The following DTNA variants were observed in gnomAD, a reference collection of about 807,000 sequenced individuals.
The protein encoded by DTNA is dystrophin-related protein 3.
A neutral mutation model predicts 100.7 loss-of-function variants in DTNA; 43 were observed. The ratio of observed to expected loss-of-function variants is 0.43; its 90% CI spans 0.33 to 0.55. DTNA has a LOEUF of 0.55. Among genes scored for constraint, DTNA ranks in the 20% least tolerant of loss-of-function variants. The pLI is 0.04. For missense variants in DTNA, 798 were observed against 953.9 expected (o/e 0.84, Z 2.15); for synonymous variants, 349 against 347.9 (o/e 1.00, Z -0.04).
At chr18:34,671,233 C>T (rs372765873) in intron 1 of DTNA, among the ~76,000 whole-genome samples, 11 of 152,260 alleles carry the variant, frequency 7.2e-5, no homozygotes, top group South Asian at 4.1e-4. Context: ...CCGAGCCATG[C>T]GCAGGATATA....
intron 1 of DTNA, among the ~76,000 whole-genome samples, chr18:34,744,114 C>T: frequency 6.6e-6 from 1 of 152,150 alleles, no homozygotes; most frequent in African/African-American, 2.4e-5. Flanking sequence ...TATACTAATT[C>T]TGATTTTCCC....
At chr18:34,769,257 A>G (rs1239783037) in intron 3 of DTNA, among the ~76,000 whole-genome samples, 1 of 152,198 alleles carries the variant, frequency 6.6e-6, no homozygotes, top group Non-Finnish European at 1.5e-5. Flanking sequence ...TATTTGTAAA[A>G]TGCTTACATA....
chr18:34,825,747 A>G (rs549728381), intron 9 of DTNA, among the ~76,000 whole-genome samples: 31 of 152,360 alleles, frequency 2.0e-4, no homozygotes, highest in African/African-American at 6.3e-4. Context: ...TTATCAAGCT[A>G]GTTAAAAAGC....
chr18:34,644,146 A>G lies in DTNA; in HGVS notation c.-1-111830A>G, dbSNP rs114457775. ...AGCTTCCCTCACCAGATCGTGGCCC[A>G]CTTATATCCTTTTATTGTCCTATTC... On this transcript the variant is annotated intron_variant, in intron 1 of 19. Transcript: ENST00000283365. Among the ~76,000 whole-genome samples, 537 of 152,244 alleles carry G rather than the reference A, an allele frequency of 3.5e-3. 3 individuals are homozygous for G. Among genetic ancestry groups the G allele is most frequent in the African/African-American group, 0.012 (499 of 41,572 alleles).
chr18:34,780,176 C>T lies in DTNA; in HGVS notation c.149-13861C>T, dbSNP rs139761065. Among the ~76,000 whole-genome samples the T allele has an allele frequency of 3.6e-3, 544 of 152,218 alleles. 2 individuals are homozygous for T. The highest frequency in any genetic ancestry group is 0.01 in the African/African-American group (429 of 41,526). On this transcript the variant is annotated intron_variant, in intron 3 of 22. Transcript: ENST00000444659. The stretch of plus-strand genomic sequence containing the variant: ...AACCATTGATGGTGTTGGGCTAGGA[C>T]GTCTGCTTTATCTCCTTGTCTGTCA...
chr18:34,552,676 T>A lies in DTNA; in HGVS notation c.-2+59162T>A, dbSNP rs1349321806. On this transcript the variant is annotated intron_variant, in intron 1 of 19. Transcript: ENST00000283365. The stretch of plus-strand genomic sequence containing the variant: ...GTTTACTGAGAATGATGATTTCCAA[T>A]TTCATCCATGTCCCTACAAAGGACA... Among the ~76,000 whole-genome samples, 3 of 151,852 alleles carry A rather than the reference T, an allele frequency of 2.0e-5. No individual in the cohort carries two copies. The East Asian group carries it at 5.8e-4, about 30-fold the overall frequency.
At chr18:34,801,660 AC>A (rs1368593283) in intron 4 of DTNA, among the ~76,000 whole-genome samples, 1 of 151,674 alleles carries the variant, frequency 6.6e-6, no homozygotes, top group East Asian at 1.9e-4. Context: ...ACAGGTGCAC[AC>A]CACCATGCCC....
intron 9 of DTNA, chr18:34,821,502 G>A (rs1287382717): frequency 2.2e-6 from 1 of 456,182 alleles, no homozygotes; most frequent in Non-Finnish European, 4.4e-6. Flanking sequence ...AGAAGGTGTT[G>A]GGCCAACAAA....
chr18:34,510,966 T>G (rs939029715), intron 1 of DTNA, among the ~76,000 whole-genome samples: 2 of 151,986 alleles, frequency 1.3e-5, no homozygotes, highest in Admixed American at 6.6e-5. Flanking sequence ...AGAATGGAGA[T>G]TGGTATTGAC....
intron 1 of DTNA, among the ~76,000 whole-genome samples, chr18:34,643,892 T>C (rs1174110523): frequency 6.6e-6 from 1 of 152,156 alleles, no homozygotes; most frequent in Non-Finnish European, 1.5e-5. Context: ...ACCTATAAAA[T>C]TATAAGCTCC....
At chr18:34,806,452 AT>A in intron 5 of DTNA, 148 bp downstream of exon 5, 1 of 729,392 alleles carries the variant, frequency 1.4e-6, no homozygotes, top group Non-Finnish European at 2.4e-6. Flanking sequence ...TGATGTTTGG[AT>A]TTTGTCATAG....
intron 1 of DTNA, among the ~76,000 whole-genome samples, chr18:34,553,150 G>A (rs1175137015): frequency 6.0e-5 from 9 of 150,796 alleles, no homozygotes; most frequent in African/African-American, 2.2e-4. Context: ...ATTTTTTCAT[G>A]TGTTTTTTGG....
At position 34,890,336 on chromosome 18, in the gene DTNA, T is replaced by C; in HGVS notation, c.*2602T>C. ...CACTGAGACCAGACTCGAGCACCCC[T>C]GTCCTGTAAGCGAGACAAAATGGCG... is the stretch of plus-strand genomic sequence containing the variant. On this transcript the variant is annotated 3_prime_UTR_variant, in exon 23 of 23. Coordinates refer to ENST00000444659, the MANE Select transcript of DTNA (RefSeq NM_001386795.1). The C allele has an allele frequency of 6.5e-7, 1 of 1,536,090 alleles. No individual in the cohort carries two copies.
Position 34,890,428 on chromosome 18 carries a change from G to T in DTNA, c.*2694G>T. 6.5e-7 allele frequency: 1 copy of T among 1,536,040 alleles called. No individual in the cohort carries two copies. Among genetic ancestry groups the T allele is most frequent in the Non-Finnish European group, 8.7e-7 (1 of 1,146,892 alleles). ...CCTTGGCTCTCCAGATTTACTTTTG[G>T]GGCCTGTTCTAAGTGCAAACCCAGC... is the stretch of plus-strand genomic sequence containing the variant. On this transcript the variant is annotated 3_prime_UTR_variant, in exon 23 of 23. Coordinates refer to ENST00000444659, the MANE Select transcript of DTNA (RefSeq NM_001386795.1).
At chr18:34,763,538 C>T (rs1396128021) in intron 2 of DTNA, among the ~76,000 whole-genome samples, 1 of 152,074 alleles carries the variant, frequency 6.6e-6, no homozygotes, top group Non-Finnish European at 1.5e-5. Context: ...TTTTTCAAAG[C>T]AGTTTTTTAA....
intron 1 of DTNA, among the ~76,000 whole-genome samples, chr18:34,624,517 C>G (rs769758878): frequency 6.6e-6 from 1 of 152,170 alleles, no homozygotes; most frequent in Non-Finnish European, 1.5e-5. Flanking sequence ...CAAACATTTT[C>G]TTCTCACATG....
chr18:34,565,649 T>G (rs1201749906), intron 1 of DTNA, among the ~76,000 whole-genome samples: 1 of 152,214 alleles, frequency 6.6e-6, no homozygotes, highest in Non-Finnish European at 1.5e-5. Context: ...TCTGCCTTCC[T>G]CTACATGACT....
chr18:34,719,569 A>C (rs1055534125), intron 1 of DTNA, among the ~76,000 whole-genome samples: 1 of 152,146 alleles, frequency 6.6e-6, no homozygotes, highest in African/African-American at 2.4e-5. Flanking sequence ...TTAATTTTAT[A>C]ATATGTACAG....
intron 22 of DTNA, among the ~76,000 whole-genome samples, chr18:34,885,191 G>A (rs538884191): frequency 3.9e-5 from 6 of 152,168 alleles, no homozygotes; most frequent in South Asian, 2.1e-4. Context: ...ACTATACCTC[G>A]GGCTCAAGAG....
Sources: gnomAD v4.1 joint callset for allele counts (sites outside exome capture counted in the v4.1 genomes callset) on GRCh38, gnomAD v4.1.1 for gene constraint, MANE v1.5 for transcripts, NCBI Gene and HGNC (gene_info 2026-07-23, HGNC 2026-07-21) for gene names.